MYO9A: variants seen among roughly 807,000 people sequenced by gnomAD.
MYO9A encodes myosin IXA.
In MYO9A, 103 loss-of-function variants were observed where a neutral mutation model predicts 293.3. The observed-to-expected ratio is 0.35, with a 90% CI of 0.30 to 0.41. The LOEUF (loss-of-function observed/expected upper bound fraction) is 0.41, where lower values mean the gene tolerates loss of function less well. Ranked by LOEUF, MYO9A falls within the 10% of genes least tolerant of loss-of-function variation. The pLI is 1.00. For synonymous variants in MYO9A, 1,001 were observed against 1,035.7 expected, an observed-to-expected ratio of 0.97 and a Z score of 0.64; for missense variants, 2,685 against 3,033.0, an observed-to-expected ratio of 0.89 and a Z score of 2.69.
intron 1 of MYO9A, among the ~76,000 whole-genome samples, chr15:72,069,450 T>C (rs1175778005): frequency 6.6e-6 from 1 of 151,996 alleles, no homozygotes; most frequent in Non-Finnish European, 1.5e-5. Context: ...AATAATAAAA[T>C]AATAAAAATT....
At chr15:72,070,078 G>A (rs566797359) in intron 1 of MYO9A, among the ~76,000 whole-genome samples, 15 of 146,144 alleles carry the variant, frequency 1.0e-4, no homozygotes, top group African/African-American at 3.6e-4. Flanking sequence ...GCAGTGAGCC[G>A]AGATATCTCC....
At chr15:72,004,809 A>G (rs1399370397) in intron 8 of MYO9A, among the ~76,000 whole-genome samples, 1 of 152,218 alleles carries the variant, frequency 6.6e-6, no homozygotes, top group African/African-American at 2.4e-5. Context: ...TTATTGCCTC[A>G]GGTAACTACA....
intron 16 of MYO9A, 195 bp downstream of exon 16, chr15:71,938,657 A>G: frequency 2.4e-6 from 1 of 413,542 alleles, no homozygotes; most frequent in Non-Finnish European, 4.2e-6. Context: ...AAGCCATTTT[A>G]CCAGAAGCAA....
intron 15 of MYO9A, among the ~76,000 whole-genome samples, chr15:71,944,926 C>G (rs1049453241): frequency 2.0e-5 from 3 of 152,094 alleles, no homozygotes; most frequent in African/African-American, 7.2e-5. Context: ...TGAGAGAGAG[C>G]TGCATCTCAA....
rs948322878 is a variant in MYO9A, at chr15:71,864,508, G to A, written c.5980-1897C>T. Among the ~76,000 whole-genome samples, 13 of 152,246 alleles carry A rather than the reference G, an allele frequency of 8.5e-5. No individual in the cohort carries two copies. In the East Asian group the frequency reaches 2.5e-3, roughly 29 times the overall value. On this transcript the variant is annotated intron_variant, in intron 32 of 41. Coordinates refer to ENST00000356056, the MANE Select transcript of MYO9A (RefSeq NM_006901.4). ...ATACACAAGATAACTGAAAATGTAC[G>A]TCCAAGAAAAAACCTGTACGTAACT...
At chr15:71,998,021 T>C (rs1413133632) in intron 9 of MYO9A, among the ~76,000 whole-genome samples, 1 of 152,156 alleles carries the variant, frequency 6.6e-6, no homozygotes, top group Non-Finnish European at 1.5e-5. Flanking sequence ...CACATCCACG[T>C]ATATGCTCAC....
rs2056178237 is a variant in MYO9A, at chr15:71,862,491, C to G, written c.6091+9G>C. ...TTAAAAATATTCCTCAAAGATCTCT[C>G]ATACTTACATTTGCAAACAGAGGCT... On this transcript the variant is annotated intron_variant, in intron 33 of 41. Transcript: ENST00000356056. 6 of 1,560,934 alleles carry G rather than the reference C, an allele frequency of 3.8e-6. No individual in the cohort carries two copies. Among genetic ancestry groups the G allele is most frequent in the Non-Finnish European group, 4.4e-6 (5 of 1,132,108 alleles).
intron 32 of MYO9A, among the ~76,000 whole-genome samples, chr15:71,869,188 T>C (rs2056431626): frequency 2.0e-5 from 3 of 152,176 alleles, no homozygotes; most frequent in African/African-American, 7.2e-5. Context: ...TGGTCTGAAG[T>C]ATATCCCCAC....
intron 2 of MYO9A, among the ~76,000 whole-genome samples, chr15:72,042,069 G>C (rs927484755): frequency 7.0e-6 from 1 of 141,954 alleles, no homozygotes; most frequent in African/African-American, 2.6e-5. Context: ...GAGGAGAAAA[G>C]ACTTCCCAAT....
chr15:71,858,246 A>C (rs1033108896), intron 34 of MYO9A, among the ~76,000 whole-genome samples: 14 of 152,142 alleles, frequency 9.2e-5, no homozygotes, highest in East Asian at 3.8e-4. Context: ...ACCCAGCCAT[A>C]CCATTACTGG....
rs1169857637 is a variant in MYO9A at position 72,117,667 on chromosome 15, G to C, written c.-72+13C>G. On this transcript the variant is annotated intron_variant, in intron 1 of 41. Transcript: ENST00000356056. ...CGGGCTGCAGGGCCGCTGGGCGCTT[G>C]GGCGGGTCTTACCTCGGGCTCCGCC... 1.5e-5 allele frequency: 6 copies of C among 396,178 alleles called. No homozygotes were observed. Among genetic ancestry groups the C allele is most frequent in the South Asian group, 1.4e-4 (1 of 7,054 alleles). 24.5% of individuals were successfully genotyped at this position (396,178 alleles called of 1,614,324 possible). A position where few individuals can be genotyped will look rare whatever the true frequency, so the allele number is the denominator to read the frequency against.
At chr15:71,883,845 A>G (rs1199485980) in intron 27 of MYO9A, 109 bp from the exon 28 acceptor site, 1 of 974,912 alleles carries the variant, frequency 1.0e-6, no homozygotes, top group African/African-American at 1.7e-5. Context: ...AGCTCATTTA[A>G]GCTTCACATT....
chr15:72,006,487 G>A (rs1472425049), intron 8 of MYO9A, among the ~76,000 whole-genome samples: 1 of 152,124 alleles, frequency 6.6e-6, no homozygotes, highest in South Asian at 2.1e-4. Flanking sequence ...ATCCTGGAAA[G>A]GGCAAATCTA....
At chr15:71,978,032 G>C (rs555586457) in intron 12 of MYO9A, 139 bp downstream of exon 12, 18 of 967,890 alleles carry the variant, frequency 1.9e-5, no homozygotes, top group Non-Finnish European at 2.6e-5. Context: ...TCAAGACTCC[G>C]TCTCAAAAAT....
At chr15:71,902,899 A>C in intron 22 of MYO9A, 42 bp downstream of exon 22, 1 of 1,404,086 alleles carries the variant, frequency 7.1e-7, no homozygotes, top group South Asian at 1.5e-5. Context: ...TTTTTAAATA[A>C]ATGCACTCAA....
At chr15:71,971,021 C>G (rs1318034792) in intron 12 of MYO9A, among the ~76,000 whole-genome samples, 1 of 151,862 alleles carries the variant, frequency 6.6e-6, no homozygotes, top group Non-Finnish European at 1.5e-5. Flanking sequence ...ATTAGCCGGG[C>G]ATGGGGGCGG....
intron 1 of MYO9A, among the ~76,000 whole-genome samples, chr15:72,104,789 G>A (rs1411970495): frequency 6.6e-6 from 1 of 152,068 alleles, no homozygotes; most frequent in African/African-American, 2.4e-5. Context: ...GTAAGAAGCT[G>A]TACATTAAAT....
intron 32 of MYO9A, among the ~76,000 whole-genome samples, chr15:71,862,929 CTTT>C (rs71131712): frequency 4.6e-5 from 6 of 130,154 alleles, no homozygotes; most frequent in Non-Finnish European, 6.5e-5. Context: ...CTTTTTTTGG[CTTT>C]TTTTTTTTTT....
chr15:72,055,038 T>C (rs972106200), intron 1 of MYO9A, among the ~76,000 whole-genome samples: 1 of 152,054 alleles, frequency 6.6e-6, no homozygotes, highest in African/African-American at 2.4e-5. Context: ...GTTTTACCTA[T>C]AGCAGATCAA....
Sources: allele counts gnomAD v4.1 joint callset (sites outside exome capture counted in the v4.1 genomes callset), GRCh38; gene constraint gnomAD v4.1.1; transcripts MANE v1.5; gene names NCBI Gene and HGNC (gene_info 2026-07-23, HGNC 2026-07-21).